NXPE3: variants seen among roughly 807,000 people sequenced by gnomAD.
NXPE3 encodes NXPE family member 3.
NXPE3 carries 26 observed loss-of-function variants against 46.1 expected under a neutral mutation model. The ratio of observed to expected loss-of-function variants is 0.56; its 90% CI spans 0.41 to 0.78. NXPE3 has a LOEUF of 0.78. Among genes scored for constraint, NXPE3 ranks in the 30% least tolerant of loss-of-function variants. NXPE3 has a pLI of 0.00. For synonymous variants in NXPE3, 272 were observed against 257.9 expected (o/e 1.05, Z -0.52); for missense variants, 620 against 686.0 (o/e 0.90, Z 1.07).
Position 101,801,617 on chromosome 3 carries a change from G to T in NXPE3, c.476G>T (p.Gly159Val). The change falls in exon 5 of 8, where the codon GGC (glycine) becomes GTC (valine). Residue 159 changes from glycine (G) to valine (V), a missense_variant. Gly to Val is a moderately radical substitution (Grantham distance 109). Coordinates refer to ENST00000273347, the MANE Select transcript of NXPE3 (RefSeq NM_145037.4). Reference protein sequence around the residue: ...HSLKLQAGAVGRVVDYQNGFY... With the variant: ...HSLKLQAGAVVRVVDYQNGFY... ...CTCAAGCTGCAGGCTGGGGCTGTGG[G>T]CAGGGTGGTGGATTACCAGAATGGG... The T allele has an allele frequency of 6.2e-7, 1 of 1,614,220 alleles. No homozygotes were observed. Among genetic ancestry groups the T allele is most frequent in the Non-Finnish European group, 8.5e-7 (1 of 1,180,046 alleles).
rs1002484017 is a variant in NXPE3, at chr3:101,821,388, G to A, written c.1130-16G>A. The A allele has an allele frequency of 3.1e-6, 5 of 1,604,068 alleles. No homozygotes were observed. The highest frequency in any genetic ancestry group is 1.3e-5 in the African/African-American group (1 of 74,628). On this transcript the variant is annotated splice_polypyrimidine_tract_variant and intron_variant, in intron 7 of 7. Coordinates refer to ENST00000273347, the MANE Select transcript of NXPE3 (RefSeq NM_145037.4). ...GGTTTGAAGGTTTTTATGAACTTGAGTTTTCCTTGTTTCAGATTTAGTGGA... is the reference window on the plus strand; with the variant it reads ...GGTTTGAAGGTTTTTATGAACTTGAATTTTCCTTGTTTCAGATTTAGTGGA...
At chr3:101,782,030 T>C (rs1939854001) in intron 1 of NXPE3, 80 bp from the exon 2 acceptor site, 1 of 152,220 alleles carries the variant, frequency 6.6e-6, no homozygotes, top group Admixed American at 6.5e-5. Flanking sequence ...TGTAAAATTG[T>C]ACTCTTAATT....
intron 6 of NXPE3, among the ~76,000 whole-genome samples, chr3:101,815,633 G>A (rs1392669902): frequency 6.6e-6 from 1 of 152,144 alleles, no homozygotes; most frequent in Non-Finnish European, 1.5e-5. Flanking sequence ...GGAGGTCGAG[G>A]CGGGCGGATC....
In NXPE3 at chr3:101,806,534, C is replaced by T. The variant is rs558925937; in HGVS notation, c.849-519C>T. On this transcript the variant is annotated intron_variant, in intron 5 of 7. Transcript: ENST00000273347. ...CCCCTGCTGCCTCCCTTGAGTAGTA[C>T]ATGTTTTAGTAAGGGGAACAGACAC... 6.6e-5 allele frequency among the ~76,000 whole-genome samples: 10 copies of T among 152,148 alleles called. 1 individual carries two copies. In the East Asian group the frequency reaches 1.7e-3, roughly 26 times the overall value.
chr3:101,782,343 T>A (rs1240050648), intron 2 of NXPE3, 53 bp downstream of exon 2: 2 of 152,178 alleles, frequency 1.3e-5, no homozygotes, highest in East Asian at 3.8e-4. Flanking sequence ...CTGAGGAACT[T>A]TTTTCTATAA....
chr3:101,787,645 A>G (rs1237886279), intron 4 of NXPE3, among the ~76,000 whole-genome samples: 6 of 152,200 alleles, frequency 3.9e-5, no homozygotes, highest in Non-Finnish European at 7.3e-5. Context: ...TTCTGTTAGC[A>G]TAACGTCCCC....
At position 101,824,318 on chromosome 3, in the gene NXPE3, A is replaced by G. The variant is rs1279090113; in HGVS notation, c.*2364A>G. The stretch of plus-strand genomic sequence containing the variant: ...CTGGTTTAATTCTGTTCATGATCCA[A>G]TAGTATTGGTGATATTAGCTCCATT... On this transcript the variant is annotated 3_prime_UTR_variant, in exon 8 of 8. Coordinates refer to ENST00000273347, the MANE Select transcript of NXPE3 (RefSeq NM_145037.4). The G allele has an allele frequency of 1.3e-5, 2 of 152,202 alleles. No homozygotes were observed. Among genetic ancestry groups the G allele is most frequent in the African/African-American group, 4.8e-5 (2 of 41,448 alleles). The allele number at this position is 152,202 out of a possible 1,614,324, so 9.4% of individuals were successfully genotyped here.
rs563663382 is a variant in NXPE3, at chr3:101,785,666, G to C, written c.70G>C (p.Val24Leu). Residue 24 changes from valine to leucine, a missense_variant, in exon 4 of 8, where the codon GTC (valine) becomes CTC (leucine). Coordinates refer to ENST00000273347, the MANE Select transcript of NXPE3 (RefSeq NM_145037.4). ...TGCAGTGTTGATGGTGGTGGTGCTG[G>C]TCATCAATGTTACTCAGGTAGAGGT... is the stretch of plus-strand genomic sequence containing the variant. ...LLAVLMVVVL[V>L]INVTQVEYLD... The C allele has an allele frequency of 9.9e-6, 16 of 1,613,936 alleles. 1 individual carries two copies. Among genetic ancestry groups the C allele is most frequent in the African/African-American group, 9.3e-5 (7 of 74,978 alleles).
At chr3:101,821,334 A>G in intron 7 of NXPE3, 70 bp from the exon 8 acceptor site, 1 of 1,349,844 alleles carries the variant, frequency 7.4e-7, no homozygotes, top group South Asian at 1.3e-5. Context: ...GAAGCCACTT[A>G]ATAAGGTATA....
intron 6 of NXPE3, among the ~76,000 whole-genome samples, chr3:101,808,386 C>T (rs1941525322): frequency 6.6e-6 from 1 of 152,000 alleles, no homozygotes; most frequent in South Asian, 2.1e-4. Flanking sequence ...CCTTTTGCTG[C>T]AGGGGCTTGA....
In NXPE3 at chr3:101,801,898, A is replaced by G. The variant is rs772461123; in HGVS notation, c.757A>G (p.Lys253Glu). ...TGEPWFCFKPKKLPCSSRITH... is the reference protein window; with the variant it reads ...TGEPWFCFKPEKLPCSSRITH... ...GGAGCCCTGGTTCTGCTTCAAACCA[A>G]AGAAGCTCCCTTGCAGCAGCAGAAT... Residue 253 changes from lysine (K) to glutamate (E), a missense_variant, in exon 5 of 8, where the codon AAG becomes GAG. Transcript: ENST00000273347. 23 of 1,614,142 alleles carry G rather than the reference A, an allele frequency of 1.4e-5. No homozygotes were observed. The highest frequency in any genetic ancestry group is 1.6e-4 in the Middle Eastern group (1 of 6,062).
intron 5 of NXPE3, 129 bp downstream of exon 5, chr3:101,802,118 G>T: frequency 3.9e-6 from 3 of 762,786 alleles, no homozygotes; most frequent in Admixed American, 2.7e-5. Context: ...ATACAGAAGA[G>T]GTAGTGAATA....
At chr3:101,818,713 A>ATT (rs201504502) in intron 7 of NXPE3, among the ~76,000 whole-genome samples, 133 of 30,294 alleles carry the variant, frequency 4.4e-3, no homozygotes, top group Admixed American at 0.014. Context: ...ATATATGACA[A>ATT]TTTATATATA....
At chr3:101,807,641 A>G (rs74969610) in intron 6 of NXPE3, among the ~76,000 whole-genome samples, 4,926 of 151,920 alleles carry the variant, frequency 0.032, 121 homozygotes, top group Non-Finnish European at 0.053. Context: ...AGCTCATGTA[A>G]AAGTTTTCTT....
intron 4 of NXPE3, among the ~76,000 whole-genome samples, chr3:101,799,880 C>T (rs1941039337): frequency 6.6e-6 from 1 of 152,042 alleles, no homozygotes; most frequent in South Asian, 2.1e-4. Context: ...TCCTTTATTC[C>T]TTTAATGTCC....
At chr3:101,820,853 T>C (rs1188209003) in intron 7 of NXPE3, among the ~76,000 whole-genome samples, 1 of 152,022 alleles carries the variant, frequency 6.6e-6, no homozygotes, top group Non-Finnish European at 1.5e-5. Flanking sequence ...AAGGAAACAG[T>C]AGACACTGGG....
intron 3 of NXPE3, among the ~76,000 whole-genome samples, chr3:101,783,263 A>T (rs1012441792): frequency 2.6e-5 from 4 of 151,762 alleles, no homozygotes; most frequent in African/African-American, 9.7e-5. Flanking sequence ...AGGTTTCACC[A>T]TGTTAGCCAG....
intron 4 of NXPE3, among the ~76,000 whole-genome samples, chr3:101,795,136 C>T (rs1940750392): frequency 1.3e-5 from 2 of 152,224 alleles, no homozygotes; most frequent in Non-Finnish European, 2.9e-5. Flanking sequence ...TCTCTAATCC[C>T]TTTCCATACT....
At chr3:101,801,183 T>C (rs1941119570) in intron 4 of NXPE3, 52 bp from the exon 5 acceptor site, 2 of 1,525,422 alleles carry the variant, frequency 1.3e-6, no homozygotes, top group Non-Finnish European at 1.8e-6. Flanking sequence ...TATGCCAAAA[T>C]ACAGAGACCT....
Sources: gnomAD v4.1 joint callset for allele counts (sites outside exome capture counted in the v4.1 genomes callset) on GRCh38, gnomAD v4.1.1 for gene constraint, MANE v1.5 for transcripts, NCBI Gene and HGNC (gene_info 2026-07-23, HGNC 2026-07-21) for gene names.